The following SYN2 variants were observed in gnomAD, a reference collection of about 807,000 sequenced individuals.
SYN2 encodes synapsin-2.
In SYN2, 19 loss-of-function variants were observed where a neutral mutation model predicts 50.9. The observed-to-expected ratio is 0.37, with a 90% confidence interval of 0.26 to 0.55. The LOEUF is 0.55. Among genes scored for constraint, SYN2 ranks in the 20% least tolerant of loss-of-function variants. The pLI is 0.81. For missense variants in SYN2, 587 were observed against 576.4 expected, an observed-to-expected ratio of 1.02 and a Z score of -0.19; for synonymous variants, 255 against 224.9, an observed-to-expected ratio of 1.13 and a Z score of -1.20.
intron 1 of SYN2, among the ~76,000 whole-genome samples, chr3:12,040,048 T>G (rs1694578662): frequency 6.6e-6 from 1 of 152,204 alleles, no homozygotes; most frequent in Non-Finnish European, 1.5e-5. Context: ...ATAGAATGAT[T>G]AAAGTACAAA....
rs575921644 is a variant in SYN2, at chr3:12,132,159, A to G, written c.378-8492A>G. On this transcript the variant is annotated intron_variant, in intron 1 of 12. Transcript: ENST00000621198. Reference sequence around the variant, plus strand: ...GTAGTTTGGACTGCAGGCACATGCCATAGCACTCAGCTGTCCTCTGATATT... The same window carrying G: ...GTAGTTTGGACTGCAGGCACATGCCGTAGCACTCAGCTGTCCTCTGATATT... 2.6e-5 allele frequency among the ~76,000 whole-genome samples: 4 copies of G among 151,778 alleles called. No homozygotes were observed. The East Asian group carries it at 7.8e-4, about 30-fold the overall frequency.
At chr3:12,074,234 C>A (rs1052860956) in intron 1 of SYN2, among the ~76,000 whole-genome samples, 1 of 152,012 alleles carries the variant, frequency 6.6e-6, no homozygotes, top group Admixed American at 6.6e-5. Context: ...TTAGGTGTAT[C>A]TCTTGCAAAA....
At chr3:12,016,646 C>T (rs1694034799) in intron 1 of SYN2, among the ~76,000 whole-genome samples, 1 of 152,134 alleles carries the variant, frequency 6.6e-6, no homozygotes, top group Admixed American at 6.5e-5. Flanking sequence ...CACTTAAGGT[C>T]AGGAGTTTGA....
chr3:12,083,514 T>C lies in SYN2; in HGVS notation c.378-57137T>C, dbSNP rs1274135008. On this transcript the variant is annotated intron_variant, in intron 1 of 12. Coordinates refer to ENST00000621198, the MANE Select transcript of SYN2 (RefSeq NM_133625.6). ...AGAGAGCTAGGGACAATAGGAATGT[T>C]TATTCCTTCCTCCCAAAGTTTCTCC... Among the ~76,000 whole-genome samples, 3 of 152,216 alleles carry C rather than the reference T, an allele frequency of 2.0e-5. No individual in the cohort carries two copies. In the East Asian group the frequency reaches 5.8e-4, roughly 29 times the overall value.
chr3:12,012,673 TTC>T (rs1483785204), intron 1 of SYN2, among the ~76,000 whole-genome samples: 5 of 152,216 alleles, frequency 3.3e-5, no homozygotes, highest in African/African-American at 1.2e-4. Flanking sequence ...CTTGTCCTGG[TTC>T]TCTTACCTTA....
intron 1 of SYN2, among the ~76,000 whole-genome samples, chr3:12,007,163 G>A (rs575961672): frequency 6.6e-6 from 1 of 152,248 alleles, no homozygotes; most frequent in South Asian, 2.1e-4. Context: ...AGCCTATTTG[G>A]CATAAACTAG....
intron 11 of SYN2, 98 bp downstream of exon 11, chr3:12,183,470 A>C: frequency 6.2e-7 from 1 of 1,608,722 alleles, no homozygotes; most frequent in Non-Finnish European, 8.5e-7. Flanking sequence ...TTCAAAGCAG[A>C]AATTTTAAGC....
At chr3:12,111,975 T>C (rs191938994) in intron 1 of SYN2, among the ~76,000 whole-genome samples, 11 of 152,316 alleles carry the variant, frequency 7.2e-5, no homozygotes, top group Admixed American at 6.5e-4. Flanking sequence ...AGCAGGCTTC[T>C]GGGAAGGCAA....
chr3:12,067,700 C>A (rs1695246148), intron 1 of SYN2, among the ~76,000 whole-genome samples: 1 of 151,738 alleles, frequency 6.6e-6, no homozygotes, highest in South Asian at 2.1e-4. Flanking sequence ...AGAAATATTT[C>A]TCAAATTCTA....
intron 1 of SYN2, among the ~76,000 whole-genome samples, chr3:12,069,494 G>A (rs1033400267): frequency 1.3e-5 from 2 of 151,964 alleles, no homozygotes; most frequent in Non-Finnish European, 2.9e-5. Context: ...TGATCTGCCC[G>A]CCTCAGCCTC....
chr3:12,092,608 T>TA (rs1695853688), intron 1 of SYN2, among the ~76,000 whole-genome samples: 1 of 152,230 alleles, frequency 6.6e-6, no homozygotes, highest in Admixed American at 6.5e-5. Flanking sequence ...TACCACTTAT[T>TA]TGGCATCCCT....
chr3:12,063,492 A>G (rs1169944315), intron 1 of SYN2, among the ~76,000 whole-genome samples: 1 of 152,038 alleles, frequency 6.6e-6, no homozygotes, highest in Non-Finnish European at 1.5e-5. Flanking sequence ...AATTAAGTAA[A>G]TGGATGGAAG....
intron 1 of SYN2, among the ~76,000 whole-genome samples, chr3:12,085,373 ACACACACG>A (rs1263295938): frequency 1.3e-5 from 2 of 150,178 alleles, no homozygotes; most frequent in African/African-American, 4.9e-5. Context: ...ACACACACAC[ACACACACG>A]CACGCACGCA....
intron 1 of SYN2, among the ~76,000 whole-genome samples, chr3:12,088,417 G>T (rs919724093): frequency 6.6e-6 from 1 of 152,092 alleles, no homozygotes; most frequent in Non-Finnish European, 1.5e-5. Context: ...ATAAGTATTG[G>T]GGGGGTTGTG....
At chr3:12,103,395 A>G (rs1195458730) in intron 1 of SYN2, among the ~76,000 whole-genome samples, 1 of 152,198 alleles carries the variant, frequency 6.6e-6, no homozygotes, top group Non-Finnish European at 1.5e-5. Context: ...AAATAATAAT[A>G]CATAATTATG....
At chr3:12,137,037 G>T (rs1696909765) in intron 1 of SYN2, among the ~76,000 whole-genome samples, 1 of 152,086 alleles carries the variant, frequency 6.6e-6, no homozygotes. Context: ...CTTGAGCCCA[G>T]GGGTTCAAGA....
At chr3:12,082,402 T>C (rs549947124) in intron 1 of SYN2, among the ~76,000 whole-genome samples, 16 of 152,320 alleles carry the variant, frequency 1.1e-4, no homozygotes, top group Non-Finnish European at 1.6e-4. Context: ...TGAACCACTC[T>C]TATGAGTCCT....
chr3:12,077,491 G>A (rs1004087976), intron 1 of SYN2, among the ~76,000 whole-genome samples: 25 of 151,720 alleles, frequency 1.6e-4, no homozygotes, highest in African/African-American at 5.8e-4. Flanking sequence ...AATCCTGATA[G>A]GCCCCAGTGT....
intron 1 of SYN2, among the ~76,000 whole-genome samples, chr3:12,121,443 G>C (rs960601440): frequency 6.6e-6 from 1 of 152,022 alleles, no homozygotes; most frequent in Non-Finnish European, 1.5e-5. Context: ...ATAGTTATTT[G>C]TTTACCACTA....
Sources: gnomAD v4.1 joint callset for allele counts (sites outside exome capture counted in the v4.1 genomes callset) on GRCh38, gnomAD v4.1.1 for gene constraint, MANE v1.5 for transcripts, NCBI Gene and HGNC (gene_info 2026-07-23, HGNC 2026-07-21) for gene names.